VWA8: variants seen among roughly 807,000 people sequenced by gnomAD.
VWA8 encodes the protein von Willebrand factor A domain containing 8, also known as von Willebrand factor A domain-containing protein 8.
Under a neutral mutation model 241.5 loss-of-function variants are expected in VWA8, and 221 were observed. The ratio of observed to expected loss-of-function variants is 0.91; its 90% CI spans 0.82 to 1.02. The LOEUF (loss-of-function observed/expected upper bound fraction) is 1.02, where lower values mean the gene tolerates loss of function less well. Ranked by LOEUF, VWA8 falls within the 50% of genes least tolerant of loss-of-function variation. The pLI, the probability that VWA8 is intolerant of heterozygous loss-of-function variation, is 0.00. For missense variants in VWA8, 2,322 were observed against 2,328.7 expected, an observed-to-expected ratio of 1.00 and a Z score of 0.06; for synonymous variants, 852 against 827.1, an observed-to-expected ratio of 1.03 and a Z score of -0.52.
rs758444868 is a variant in VWA8, at chr13:41,671,132, C to T, written c.4425G>A (p.Ser1475=). 20 of 1,613,428 alleles carry T rather than the reference C, an allele frequency of 1.2e-5. No individual in the cohort carries two copies. Among genetic ancestry groups the T allele is most frequent in the Middle Eastern group, 1.6e-4 (1 of 6,078 alleles). ...TGGTCGACAGCCATGTGGTATACGG[C>T]GAGAGAGATTCTGATCTGGAAAAAG... is the stretch of plus-strand genomic sequence containing the variant. The part of the protein sequence containing the change: ...YIPIPRSESL[S]PYTTWLSTIS... Residue 1475 remains serine (S), a synonymous_variant, in exon 37 of 45, where the codon TCG becomes TCA. Transcript: ENST00000379310.
chr13:41,710,331 A>T (rs888506452), intron 26 of VWA8, among the ~76,000 whole-genome samples: 2 of 152,138 alleles, frequency 1.3e-5, no homozygotes, highest in Non-Finnish European at 2.9e-5. Flanking sequence ...ATCACTTTTA[A>T]ATGCTTAAGG....
chr13:41,583,835 G>T (rs1402225368), intron 42 of VWA8, among the ~76,000 whole-genome samples: 1 of 151,952 alleles, frequency 6.6e-6, no homozygotes, highest in Middle Eastern at 3.2e-3. Context: ...AGGGAGAGGG[G>T]ACAATTATAA....
intron 42 of VWA8, among the ~76,000 whole-genome samples, chr13:41,584,421 G>A (rs1053533701): frequency 1.3e-5 from 2 of 152,238 alleles, no homozygotes; most frequent in African/African-American, 4.8e-5. Flanking sequence ...GAGTTTGCAG[G>A]AACAGGACTC....
chr13:41,944,689 C>G (rs1369232944), intron 2 of VWA8, among the ~76,000 whole-genome samples: 1 of 152,180 alleles, frequency 6.6e-6, no homozygotes, highest in African/African-American at 2.4e-5. Flanking sequence ...AGAAGCTCCT[C>G]AAAAGCCTCA....
At chr13:41,590,545 G>A (rs2044447508) in intron 41 of VWA8, 95 bp downstream of exon 41, 1 of 1,278,368 alleles carries the variant, frequency 7.8e-7, no homozygotes. Flanking sequence ...ACCATATTCA[G>A]GATTTGTGAT....
chr13:41,768,144 G>C (rs977487494), intron 20 of VWA8, among the ~76,000 whole-genome samples: 12 of 152,340 alleles, frequency 7.9e-5, no homozygotes, highest in Middle Eastern at 3.4e-3. Context: ...TCCCCAGGCT[G>C]CTGGAGCTAT....
chr13:41,838,494 A>T (rs1368680928), intron 12 of VWA8, among the ~76,000 whole-genome samples: 1 of 152,204 alleles, frequency 6.6e-6, no homozygotes, highest in Non-Finnish European at 1.5e-5. Flanking sequence ...AAGTACATAT[A>T]GAGTATGACT....
intron 37 of VWA8, among the ~76,000 whole-genome samples, chr13:41,666,104 T>C (rs1169237891): frequency 6.6e-6 from 1 of 152,136 alleles, no homozygotes; most frequent in Non-Finnish European, 1.5e-5. Flanking sequence ...AATGTTGTGA[T>C]CCAATGGAAG....
At chr13:41,761,349 A>C (rs2045738536) in intron 20 of VWA8, 145 bp from the exon 21 acceptor site, 2 of 694,760 alleles carry the variant, frequency 2.9e-6, no homozygotes, top group Admixed American at 2.8e-5. Flanking sequence ...AAACTGGCAA[A>C]CATATATGGA....
chr13:41,891,642 C>T, intron 4 of VWA8, 55 bp from the exon 5 acceptor site: 3 of 1,577,904 alleles, frequency 1.9e-6, no homozygotes, highest in Non-Finnish European at 2.6e-6. Context: ...CAGAGCTTGG[C>T]CTAACATTAC....
At chr13:41,817,524 T>C (rs1392654107) in intron 15 of VWA8, among the ~76,000 whole-genome samples, 3 of 152,218 alleles carry the variant, frequency 2.0e-5, no homozygotes, top group Non-Finnish European at 2.9e-5. Flanking sequence ...TAGGGTTTCA[T>C]TGGTCATTTA....
Position 41,721,351 on chromosome 13 carries a change from A to G in VWA8, c.2964+19T>C. On this transcript the variant is annotated intron_variant, in intron 25 of 44. Transcript: ENST00000379310. Reference sequence around the variant, plus strand: ...AAAGAGAGTGATGGCTCTTAGGTACAGGTGTGTGCCATACCTACCTGTAAA... The same window carrying G: ...AAAGAGAGTGATGGCTCTTAGGTACGGGTGTGTGCCATACCTACCTGTAAA... 6.2e-7 allele frequency: 1 copy of G among 1,612,392 alleles called. No homozygotes were observed. Among genetic ancestry groups the G allele is most frequent in the Non-Finnish European group, 8.5e-7 (1 of 1,178,762 alleles).
At chr13:41,583,658 A>C (rs530693042) in intron 42 of VWA8, among the ~76,000 whole-genome samples, 3 of 150,154 alleles carry the variant, frequency 2.0e-5, no homozygotes, top group African/African-American at 5.0e-5. Flanking sequence ...AAAAAAAAAA[A>C]AAAACAAACA....
At position 41,791,692 on chromosome 13, in the gene VWA8, TTATGA is replaced by T. The variant is rs1426587420; in HGVS notation, c.2064-4154_2064-4150del. Among the ~76,000 whole-genome samples the T allele has an allele frequency of 4.6e-5, 7 of 151,912 alleles. No homozygotes were observed. The East Asian group carries it at 1.3e-3, about 29-fold the overall frequency. On this transcript the variant is annotated intron_variant, in intron 17 of 44. Coordinates refer to ENST00000379310, the MANE Select transcript of VWA8 (RefSeq NM_015058.2). ...AACTTTTTTACTCAATATTAAGGTG[TTATGA>T]TAGATAACTGTAAATGCATGCAACT... is the stretch of plus-strand genomic sequence containing the variant.
intron 2 of VWA8, among the ~76,000 whole-genome samples, chr13:41,923,205 T>C (rs572615868): frequency 9.9e-5 from 15 of 152,126 alleles, no homozygotes; most frequent in Non-Finnish European, 1.5e-4. Flanking sequence ...AAACACCGCA[T>C]GTTCTCACTC....
At chr13:41,594,573 G>A (rs2044476250) in intron 40 of VWA8, among the ~76,000 whole-genome samples, 1 of 152,030 alleles carries the variant, frequency 6.6e-6, no homozygotes, top group Non-Finnish European at 1.5e-5. Context: ...ATATCTTATA[G>A]TTGATGGCAA....
At chr13:41,856,189 G>A (rs1431790642) in intron 12 of VWA8, among the ~76,000 whole-genome samples, 1 of 151,870 alleles carries the variant, frequency 6.6e-6, no homozygotes, top group African/African-American at 2.4e-5. Flanking sequence ...TACAAAAATT[G>A]GCCAGCGGGG....
At chr13:41,784,948 AG>A (rs1000251352) in intron 18 of VWA8, among the ~76,000 whole-genome samples, 2 of 151,318 alleles carry the variant, frequency 1.3e-5, no homozygotes, top group Non-Finnish European at 2.9e-5. Context: ...TGCTTTAAAT[AG>A]GTTGACCTAG....
intron 43 of VWA8, 83 bp downstream of exon 43, chr13:41,575,657 T>G: frequency 1.0e-6 from 1 of 971,222 alleles, no homozygotes; most frequent in Non-Finnish European, 1.5e-6. Flanking sequence ...CCTGTGTATC[T>G]GCTGCTGCTT....
Sources: allele counts gnomAD v4.1 joint callset (sites outside exome capture counted in the v4.1 genomes callset), GRCh38; gene constraint gnomAD v4.1.1; transcripts MANE v1.5; gene names NCBI Gene and HGNC (gene_info 2026-07-23, HGNC 2026-07-21).